The following ZNF705G variants were observed in gnomAD, a reference collection of about 807,000 sequenced individuals.
ZNF705G encodes zinc finger protein 705G.
ZNF705G carries 23 observed loss-of-function variants against 19.6 expected under a neutral mutation model. The observed-to-expected ratio is 1.17, with a 90% CI of 0.84 to 1.66. ZNF705G has a LOEUF of 1.66. ZNF705G is among the 40% of genes most tolerant of loss of function. The pLI, the probability that ZNF705G is intolerant of heterozygous loss-of-function variation, is 0.00. For synonymous variants in ZNF705G, 146 were observed against 117.7 expected, an observed-to-expected ratio of 1.24 and a Z score of -1.56; for missense variants, 457 against 354.4, an observed-to-expected ratio of 1.29 and a Z score of -2.32.
intron 2 of ZNF705G, among the ~76,000 whole-genome samples, chr8:7,364,862 C>G (rs1371507829): frequency 6.7e-6 from 1 of 149,506 alleles, no homozygotes; most frequent in East Asian, 1.9e-4. Flanking sequence ...ATAATTCAAG[C>G]AGAACAGCTA....
rs1395692663 is a variant in ZNF705G, at chr8:7,364,218, G to C, written c.-71-1201C>G. ...GATATATAGGTGCATATGTTTATAT[G>C]AATGTATGTGTTTGAGACAGGGGGA... On this transcript the variant is annotated intron_variant, in intron 2 of 6. Transcript: ENST00000400156. Among the ~76,000 whole-genome samples, 2 of 149,536 alleles carry C rather than the reference G, an allele frequency of 1.3e-5. 1 individual carries two copies. The highest frequency in any genetic ancestry group is 5.1e-5 in the African/African-American group (2 of 38,994).
At chr8:7,368,153 C>T (rs1239257877) in intron 2 of ZNF705G, among the ~76,000 whole-genome samples, 1 of 149,482 alleles carries the variant, frequency 6.7e-6, no homozygotes, top group African/African-American at 2.6e-5. Context: ...GCCCTGATTG[C>T]ACAGACACTG....
Position 7,358,358 on chromosome 8 carries a change from C to T in ZNF705G, c.521G>A (p.Cys174Tyr), listed in dbSNP as rs746284945. 1 of 1,607,596 alleles carries T rather than the reference C, an allele frequency of 6.2e-7. No homozygotes were observed. Among genetic ancestry groups the T allele is most frequent in the Non-Finnish European group, 8.5e-7 (1 of 1,179,606 alleles). The change falls in exon 7 of 7, where the codon TGT (cysteine) becomes TAT (tyrosine). Residue 174 changes from cysteine to tyrosine, a missense_variant. By Grantham distance (194) the Cys-to-Tyr change is radical. Coordinates refer to ENST00000400156, the MANE Select transcript of ZNF705G (RefSeq NM_001164457.3). ...AGTATAGGCCTTTTCACATAGATTA[C>T]ACTGATATGATTTACCTTTAGTATG... The part of the protein sequence containing the change: ...QIHTKGKSYQ[C>Y]NLCEKAYTNC...
chr8:7,383,439 C>T (rs1342862771), intron 1 of ZNF705G, among the ~76,000 whole-genome samples: 1 of 146,586 alleles, frequency 6.8e-6, no homozygotes, highest in African/African-American at 2.8e-5. Flanking sequence ...CTTACTTCCT[C>T]AGCCCCTGAG....
intron 2 of ZNF705G, among the ~76,000 whole-genome samples, chr8:7,367,680 G>A (rs1038293474): frequency 6.7e-6 from 1 of 149,536 alleles, no homozygotes; most frequent in Admixed American, 6.6e-5. Flanking sequence ...GCATCTGCTC[G>A]GGTCTCTTCC....
chr8:7,374,984 T>C lies in ZNF705G; in HGVS notation c.-72+6468A>G, dbSNP rs1418097393. Among the ~76,000 whole-genome samples, 3 of 94,730 alleles carry C rather than the reference T, an allele frequency of 3.2e-5. 1 individual carries two copies. Among genetic ancestry groups the C allele is most frequent in the Non-Finnish European group, 6.2e-5 (3 of 48,128 alleles). 62.1% of individuals were successfully genotyped at this position (94,730 alleles called of 152,430 possible). A position where few individuals can be genotyped will look rare whatever the true frequency, so the allele number is the denominator to read the frequency against. On this transcript the variant is annotated intron_variant, in intron 2 of 6. Coordinates refer to ENST00000400156, the MANE Select transcript of ZNF705G (RefSeq NM_001164457.3). Reference sequence around the variant, plus strand: ...TACTTGAATTCTTACAAATGAACAATGGTACATCATAATTTTAAAAAGTCT... The same window carrying C: ...TACTTGAATTCTTACAAATGAACAACGGTACATCATAATTTTAAAAAGTCT...
intron 4 of ZNF705G, 145 bp from the exon 5 acceptor site, chr8:7,360,477 G>A (rs1806524102): frequency 7.4e-7 from 1 of 1,344,810 alleles, no homozygotes; most frequent in East Asian, 2.4e-5. Context: ...AAACTCCCCA[G>A]GATTTTTCTG....
At position 7,361,300 on chromosome 8, in the gene ZNF705G, G is replaced by C; in HGVS notation, c.13-64C>G. On this transcript the variant is annotated intron_variant, in intron 3 of 6. Transcript: ENST00000400156. ...TCCTTTCAATGTCCGGAAGAGGAAGGCTGAGATGACATAGCTAGCAGCTGG... is the reference window on the plus strand; with the variant it reads ...TCCTTTCAATGTCCGGAAGAGGAAGCCTGAGATGACATAGCTAGCAGCTGG... 5 of 1,591,746 alleles carry C rather than the reference G, an allele frequency of 3.1e-6. No individual in the cohort carries two copies. In the South Asian group the frequency reaches 3.3e-5, roughly 11 times the overall value.
intron 2 of ZNF705G, among the ~76,000 whole-genome samples, chr8:7,368,961 T>G (rs566491277): frequency 6.7e-6 from 1 of 149,684 alleles, no homozygotes; most frequent in South Asian, 2.1e-4. Flanking sequence ...CTGGGCAATT[T>G]ACAAAAGAAA....
intron 2 of ZNF705G, among the ~76,000 whole-genome samples, chr8:7,367,413 T>G (rs1243311829): frequency 6.7e-6 from 1 of 149,472 alleles, no homozygotes; most frequent in Non-Finnish European, 1.5e-5. Context: ...AAGAAGCAAC[T>G]TCTTGGGCGT....
intron 6 of ZNF705G, 131 bp downstream of exon 6, chr8:7,359,488 A>G (rs1354639303): frequency 4.5e-4 from 595 of 1,336,426 alleles, no homozygotes; most frequent in Admixed American, 9.8e-4. Flanking sequence ...AAAGTATCCA[A>G]TTTTTTTTTT....
chr8:7,379,885 C>T (rs1438703881), intron 2 of ZNF705G, among the ~76,000 whole-genome samples: 1 of 145,586 alleles, frequency 6.9e-6, no homozygotes, highest in African/African-American at 2.8e-5. Context: ...AGAGCCCAGC[C>T]CCCAAAAGAC....
At chr8:7,381,025 C>CAAAAAAAA (rs1563303321) in intron 2 of ZNF705G, among the ~76,000 whole-genome samples, 1 of 32,290 alleles carries the variant, frequency 3.1e-5, no homozygotes, top group Non-Finnish European at 4.7e-5. Context: ...CAAACCACCA[C>CAAAAAAAA]CAAAAAAAAA....
rs572802760 is a variant in ZNF705G, at chr8:7,375,417, T to A, written c.-72+6035A>T. Among the ~76,000 whole-genome samples, 102 of 91,620 alleles carry A rather than the reference T, an allele frequency of 1.1e-3. 33 individuals carry two copies. The highest frequency in any genetic ancestry group is 5.1e-3 in the African/African-American group (99 of 19,544). 60.1% of individuals were successfully genotyped at this position (91,620 alleles called of 152,430 possible). A position where few individuals can be genotyped will look rare whatever the true frequency, so the allele number is the denominator to read the frequency against. On this transcript the variant is annotated intron_variant, in intron 2 of 6. Transcript: ENST00000400156. ...CATATATGTACTACATTTTCTTTAT[T>A]CAATCCACTGTTGATGAACACCTAG...
chr8:7,360,795 A>G (rs1806546331), intron 4 of ZNF705G, among the ~76,000 whole-genome samples: 2 of 149,598 alleles, frequency 1.3e-5, no homozygotes, highest in Admixed American at 6.6e-5. Flanking sequence ...GTTATTTAGA[A>G]AATATTTAAT....
intron 2 of ZNF705G, among the ~76,000 whole-genome samples, chr8:7,363,326 C>A (rs1388501764): frequency 6.7e-6 from 1 of 148,158 alleles, no homozygotes; most frequent in African/African-American, 2.7e-5. Context: ...ACACAGGGAT[C>A]CCTGACTCCA....
In ZNF705G at chr8:7,377,953, CAA is replaced by C. The variant is rs1175739210; in HGVS notation, c.-72+3497_-72+3498del. Among the ~76,000 whole-genome samples, 437 of 52,890 alleles carry C rather than the reference CAA, an allele frequency of 8.3e-3. 2 individuals are homozygous for C. Among genetic ancestry groups the C allele is most frequent in the African/African-American group, 0.033 (241 of 7,394 alleles). The allele number at this position is 52,890 out of a possible 152,430, so 34.7% of individuals were successfully genotyped here. On this transcript the variant is annotated intron_variant, in intron 2 of 6. Transcript: ENST00000400156. ...TGGGTGACAGAGTAAGACACTGTCT[CAA>C]AAAAAAAAAAAAAAAAAAAAAAAGT...
chr8:7,383,130 T>TC (rs200549690), intron 1 of ZNF705G, among the ~76,000 whole-genome samples: 1 of 149,250 alleles, frequency 6.7e-6, no homozygotes, highest in Non-Finnish European at 1.5e-5. Context: ...GTTTGATTTT[T>TC]TTTTTTTTTT....
chr8:7,384,315 G>A (rs1280393539), intron 1 of ZNF705G, among the ~76,000 whole-genome samples: 1 of 145,462 alleles, frequency 6.9e-6, no homozygotes. Context: ...AATCTTAGGA[G>A]GAGTCAATTG....
Sources: allele counts gnomAD v4.1 joint callset (sites outside exome capture counted in the v4.1 genomes callset), GRCh38; gene constraint gnomAD v4.1.1; transcripts MANE v1.5; gene names NCBI Gene and HGNC (gene_info 2026-07-23, HGNC 2026-07-21).